PSG2: variants seen among roughly 807,000 people sequenced by gnomAD.
The protein encoded by PSG2 is pregnancy specific beta-1-glycoprotein 2, also known as pregnancy-specific beta-1-glycoprotein 2.
A neutral mutation model predicts 36.2 loss-of-function variants in PSG2; 49 were observed. The observed-to-expected ratio is 1.35, with a 90% CI of 1.08 to 1.72. The LOEUF is 1.72. PSG2 is among the 40% of genes most tolerant of loss of function. PSG2 has a pLI of 0.00. For missense variants in PSG2, 605 were observed against 407.2 expected, an observed-to-expected ratio of 1.49 and a Z score of -4.18; for synonymous variants, 261 against 155.6, an observed-to-expected ratio of 1.68 and a Z score of -5.04.
chr19:43,067,197 T>C (rs920794998), intron 4 of PSG2, among the ~76,000 whole-genome samples: 1 of 151,462 alleles, frequency 6.6e-6, no homozygotes, highest in African/African-American at 2.4e-5. Context: ...CTTCTTTCTC[T>C]TTGTTTTTCA....
At chr19:43,072,568 T>C in intron 3 of PSG2, 2 of 1,611,420 alleles carry the variant, frequency 1.2e-6, no homozygotes, top group Non-Finnish European at 1.7e-6. Flanking sequence ...TGAAGGCTAA[T>C]ACATCCTTAT....
chr19:43,081,253 G>C lies in PSG2; in HGVS notation c.65-7C>G, dbSNP rs771214312. 6.2e-7 allele frequency: 1 copy of C among 1,609,820 alleles called. No homozygotes were observed. The highest frequency in any genetic ancestry group is 8.5e-7 in the Non-Finnish European group (1 of 1,178,282). ...CAGAAGTTTAAAAGTGATGCTAGGA[G>C]GTGGAGAGAGCATCAGACAATATTG... On this transcript the variant is annotated splice_region_variant and splice_polypyrimidine_tract_variant and intron_variant, in intron 1 of 5. Coordinates refer to ENST00000406487, the MANE Select transcript of PSG2 (RefSeq NM_031246.4).
At chr19:43,078,098 G>C (rs200179803) in intron 2 of PSG2, among the ~76,000 whole-genome samples, 1 of 151,778 alleles carries the variant, frequency 6.6e-6, no homozygotes, top group Non-Finnish European at 1.5e-5. Context: ...GATTACAACA[G>C]TGACAGCAAA....
At chr19:43,064,800 T>C (rs764265232) in intron 5 of PSG2, among the ~76,000 whole-genome samples, 199 bp from the exon 6 acceptor site, 8 of 151,778 alleles carry the variant, frequency 5.3e-5, no homozygotes, top group East Asian at 1.9e-4. Context: ...TATTTGATTT[T>C]CAGAAATTTC....
chr19:43,075,077 G>A (rs754752406), intron 3 of PSG2, among the ~76,000 whole-genome samples: 5 of 151,752 alleles, frequency 3.3e-5, no homozygotes, highest in African/African-American at 7.3e-5. Context: ...CCAAATCCCC[G>A]CTGTGTTCAC....
At chr19:43,077,006 T>A (rs534908103) in intron 2 of PSG2, among the ~76,000 whole-genome samples, 1 of 151,696 alleles carries the variant, frequency 6.6e-6, no homozygotes, top group East Asian at 1.9e-4. Context: ...CAATTCGTAA[T>A]ACTGTAATTT....
At chr19:43,082,298 A>T in intron 1 of PSG2, 1 of 709,146 alleles carries the variant, frequency 1.4e-6, no homozygotes, top group Non-Finnish European at 2.2e-6. Flanking sequence ...ACACGACAAT[A>T]CCTGGTTAAT....
At chr19:43,066,659 C>G (rs1367973894) in intron 4 of PSG2, 59 bp from the exon 5 acceptor site, 1 of 1,491,544 alleles carries the variant, frequency 6.7e-7, no homozygotes, top group African/African-American at 1.4e-5. Flanking sequence ...CATGGGGGAG[C>G]ATCAGGAACA....
intron 4 of PSG2, among the ~76,000 whole-genome samples, chr19:43,070,400 G>A (rs1334656018): frequency 6.6e-6 from 1 of 151,620 alleles, no homozygotes; most frequent in African/African-American, 2.4e-5. Context: ...GTGCACTGAT[G>A]TTCAGAGAAG....
chr19:43,082,244 G>T (rs1967991088), intron 1 of PSG2: 1 of 402,558 alleles, frequency 2.5e-6, no homozygotes, highest in Non-Finnish European at 4.3e-6. Context: ...GGGTTCACGT[G>T]ATTCTCCTGC....
chr19:43,066,397 A>C lies in PSG2; in HGVS notation c.*40+120T>G, dbSNP rs535754199. The C allele has an allele frequency of 2.4e-5, 18 of 760,750 alleles. No individual in the cohort carries two copies. The East Asian group carries it at 4.6e-4, about 20-fold the overall frequency. The allele number at this position is 760,750 out of a possible 1,614,324, so 47.1% of individuals were successfully genotyped here. On this transcript the variant is annotated intron_variant, in intron 5 of 5. Transcript: ENST00000406487. ...ACTGCAGGAATTAGTGCTGAGAAGC[A>C]GGAGTTTAGTGGAGGAAGGAGGAGA...
chr19:43,078,148 G>A (rs548162332), intron 2 of PSG2, among the ~76,000 whole-genome samples: 4 of 151,898 alleles, frequency 2.6e-5, no homozygotes, highest in South Asian at 2.1e-4. Flanking sequence ...GTCTCAGGCT[G>A]GCTGTCCTCA....
chr19:43,077,470 T>C (rs1174586924), intron 2 of PSG2, among the ~76,000 whole-genome samples: 1 of 151,834 alleles, frequency 6.6e-6, no homozygotes, highest in African/African-American at 2.4e-5. Flanking sequence ...CTTCATTTTC[T>C]CTTAAGCTCA....
chr19:43,074,845 G>T (rs950723651), intron 3 of PSG2, among the ~76,000 whole-genome samples: 2 of 151,752 alleles, frequency 1.3e-5, no homozygotes, highest in African/African-American at 2.4e-5. Flanking sequence ...CCATCAATCA[G>T]CCAAGAATGC....
At chr19:43,064,830 C>T (rs1311028432) in intron 5 of PSG2, among the ~76,000 whole-genome samples, 2 of 151,762 alleles carry the variant, frequency 1.3e-5, no homozygotes, top group East Asian at 3.9e-4. Flanking sequence ...TTAGAATACT[C>T]ATTAAAAAAA....
At chr19:43,071,560 A>G (rs1967816325) in intron 4 of PSG2, 140 bp downstream of exon 4, 4 of 1,596,958 alleles carry the variant, frequency 2.5e-6, no homozygotes, top group East Asian at 2.2e-5. Flanking sequence ...ACAAATTGGG[A>G]GGGTTCAGGA....
chr19:43,071,024 A>G (rs1362532821), intron 4 of PSG2, among the ~76,000 whole-genome samples: 3 of 151,766 alleles, frequency 2.0e-5, no homozygotes, highest in African/African-American at 7.3e-5. Flanking sequence ...CTTCAGAGCC[A>G]GGACCAGGCT....
In PSG2 at chr19:43,066,595, T is replaced by A. The variant is rs1300099849; in HGVS notation, c.970A>T (p.Thr324Ser). 2.5e-6 allele frequency: 4 copies of A among 1,599,020 alleles called. No homozygotes were observed. Among genetic ancestry groups the A allele is most frequent in the East Asian group, 2.2e-5 (1 of 44,816 alleles). The change falls in exon 5 of 6, where the codon ACA (threonine) becomes TCA (serine). Residue 324 changes from threonine (T) to serine (S), a missense_variant. Coordinates refer to ENST00000406487, the MANE Select transcript of PSG2 (RefSeq NM_031246.4). ...AGGAGAGGAAGAAGTCCTATTCTTGTAGAAGCTGTCATGGAAAGAAAAGTA... is the reference window on the plus strand; with the variant it reads ...AGGAGAGGAAGAAGTCCTATTCTTGAAGAAGCTGTCATGGAAAGAAAAGTA... ...TSLTVKVSAS[T>S]RIGLLPLLNP...
chr19:43,078,170 G>C (rs1042559102), intron 2 of PSG2, among the ~76,000 whole-genome samples: 1 of 151,734 alleles, frequency 6.6e-6, no homozygotes, highest in African/African-American at 2.4e-5. Flanking sequence ...TTATTCCTGG[G>C]CATAGGCCAG....
Sources: gnomAD v4.1 joint callset for allele counts (sites outside exome capture counted in the v4.1 genomes callset) on GRCh38, gnomAD v4.1.1 for gene constraint, MANE v1.5 for transcripts, NCBI Gene and HGNC (gene_info 2026-07-23, HGNC 2026-07-21) for gene names.